CAMKK1: variants seen among roughly 807,000 people sequenced by gnomAD.
CAMKK1 encodes the protein calcium/calmodulin dependent protein kinase kinase 1, also known as calcium/calmodulin-dependent protein kinase kinase 1.
In CAMKK1, 20 loss-of-function variants were observed where a neutral mutation model predicts 63.5. The ratio of observed to expected loss-of-function variants is 0.32; its 90% CI spans 0.22 to 0.46. The LOEUF is 0.46. CAMKK1 is among the 20% of genes least tolerant of loss of function. The pLI is 1.00. For missense variants in CAMKK1, 588 were observed against 658.1 expected (o/e 0.89, Z 1.17); for synonymous variants, 253 against 269.0 (o/e 0.94, Z 0.58).
chr17:3,882,216 A>T lies in CAMKK1; in HGVS notation c.685+312T>A. The T allele has an allele frequency of 7.1e-7, 1 of 1,414,886 alleles. No individual in the cohort carries two copies. The highest frequency in any genetic ancestry group is 9.9e-7 in the Non-Finnish European group (1 of 1,011,426). The allele number at this position is 1,414,886 out of a possible 1,614,324, so 87.6% of individuals were successfully genotyped here. A position where few individuals can be genotyped will look rare whatever the true frequency, so the allele number is the denominator to read the frequency against. ...GGTGGGAAAACTGAGGCACAGAGCT[A>T]CAGTGTCTGGGAACCCATGCAGCCT... On this transcript the variant is annotated intron_variant, in intron 7 of 15. Transcript: ENST00000348335. The surrounding 1 kb of genome is among the most constrained non-coding windows in gnomAD (Gnocchi z 4.3).
Position 3,884,318 on chromosome 17 carries a change from AAGG to A in CAMKK1, c.408+59_408+61del. ...CCTCCCGTTCCCTCCCACACGAGAG[AAGG>A]AGCAGCGCCAAACAGAGAATCCCGA... On this transcript the variant is annotated intron_variant, in intron 3 of 15. Transcript: ENST00000348335. This position sits in a 1 kb window ranked among gnomAD's most constrained non-coding sequence, Gnocchi z 4.5. 1 of 1,553,158 alleles carries A rather than the reference AAGG, an allele frequency of 6.4e-7. No homozygotes were observed. The highest frequency in any genetic ancestry group is 8.9e-7 in the Non-Finnish European group (1 of 1,125,734).
chr17:3,864,251 A>T (rs2054427368), intron 15 of CAMKK1, among the ~76,000 whole-genome samples: 1 of 142,510 alleles, frequency 7.0e-6, no homozygotes, highest in South Asian at 2.2e-4. Flanking sequence ...CTGGCATAAT[A>T]ATTATTATTT....
chr17:3,883,985 C>T lies in CAMKK1; in HGVS notation c.409-48G>A, dbSNP rs2055532540. ...CCCACCTGGACAGGGCAACCCCTCCCAGGACCAGCTCAGGAGGTGGGGAGC... is the reference window on the plus strand; with the variant it reads ...CCCACCTGGACAGGGCAACCCCTCCTAGGACCAGCTCAGGAGGTGGGGAGC... On this transcript the variant is annotated intron_variant, in intron 3 of 15. Coordinates refer to ENST00000348335, the MANE Select transcript of CAMKK1 (RefSeq NM_032294.3). The surrounding 1 kb of genome is among the most constrained non-coding windows in gnomAD (Gnocchi z 4.7). 1 of 1,592,162 alleles carries T rather than the reference C, an allele frequency of 6.3e-7. No homozygotes were observed. The highest frequency in any genetic ancestry group is 1.3e-5 in the African/African-American group (1 of 74,600).
In CAMKK1 at chr17:3,876,362, T is replaced by G; in HGVS notation, c.857A>C (p.Asp286Ala). The G allele has an allele frequency of 1.2e-6, 2 of 1,614,220 alleles. No homozygotes were observed. The stretch of plus-strand genomic sequence containing the variant: ...AAAGTCGGCGATCTTCACGTGCCCA[T>G]CATCCCCCAGGAGCAGGTTGGATGG... ...IKPSNLLLGD[D>A]GHVKIADFGV... Residue 286 changes from aspartate to alanine, a missense_variant, in exon 10 of 16, where the codon GAT becomes GCT. This residue lies in a region of CAMKK1 where 357 missense variants were observed against 407.4 expected (regional missense o/e 0.88). Transcript: ENST00000348335.
chr17:3,889,657 T>C lies in CAMKK1; in HGVS notation c.-44+3282A>G, dbSNP rs2055811485. Among the ~76,000 whole-genome samples, 1 of 152,240 alleles carries C rather than the reference T, an allele frequency of 6.6e-6. No homozygotes were observed. Among genetic ancestry groups the C allele is most frequent in the Middle Eastern group, 3.4e-3 (1 of 294 alleles). On this transcript the variant is annotated intron_variant, in intron 1 of 15. Coordinates refer to ENST00000348335, the MANE Select transcript of CAMKK1 (RefSeq NM_032294.3). The surrounding 1 kb of genome is among the most constrained non-coding windows in gnomAD (Gnocchi z 5.2). ...GTGTCTAGAAGCGTCCAAGAGAGCC[T>C]TGATGTGCAAGGTCCAACCCCACCT...
chr17:3,871,347 G>GGT (rs2054849023), intron 12 of CAMKK1, among the ~76,000 whole-genome samples: 2 of 104,360 alleles, frequency 1.9e-5, no homozygotes, highest in Admixed American at 1.1e-4. Context: ...TTTTTTTTTT[G>GGT]TTTTTTTTTT....
chr17:3,877,068 T>C (rs887671857), intron 9 of CAMKK1, among the ~76,000 whole-genome samples: 1 of 151,930 alleles, frequency 6.6e-6, no homozygotes, highest in Admixed American at 6.6e-5. Flanking sequence ...GGGAGCAGAG[T>C]TCTTCCTAGG....
chr17:3,869,002 T>C (rs2054709188), intron 14 of CAMKK1, among the ~76,000 whole-genome samples: 1 of 147,056 alleles, frequency 6.8e-6, no homozygotes, highest in Admixed American at 6.9e-5. Flanking sequence ...GCAGTCTCGC[T>C]CTGTGGCCCA....
chr17:3,870,705 C>T (rs2054809332), intron 12 of CAMKK1, among the ~76,000 whole-genome samples: 1 of 152,152 alleles, frequency 6.6e-6, no homozygotes, highest in African/African-American at 2.4e-5. Flanking sequence ...TTGGGGAGCC[C>T]ATCCTTCCAA....
chr17:3,868,975 T>TC (rs1193907653), intron 14 of CAMKK1, among the ~76,000 whole-genome samples: 1 of 135,340 alleles, frequency 7.4e-6, no homozygotes, highest in Admixed American at 7.3e-5. Context: ...CTTTTCTTCT[T>TC]TTTTTTTTTT....
chr17:3,881,943 T>C, intron 7 of CAMKK1: 1 of 539,138 alleles, frequency 1.9e-6, no homozygotes, highest in South Asian at 2.5e-5. Flanking sequence ...TTCCTAAAGG[T>C]CATAGCAGAC....
At chr17:3,867,520 G>A (rs1190042771) in intron 14 of CAMKK1, among the ~76,000 whole-genome samples, 1 of 152,180 alleles carries the variant, frequency 6.6e-6, no homozygotes, top group Non-Finnish European at 1.5e-5. Flanking sequence ...AGGGGGACAG[G>A]GAGTGAGAGT....
intron 10 of CAMKK1, among the ~76,000 whole-genome samples, chr17:3,875,742 C>T (rs543976379): frequency 1.2e-3 from 184 of 152,322 alleles, no homozygotes; most frequent in African/African-American, 4.4e-3. Context: ...TGCCTACGCT[C>T]CTGTCACTTA....
intron 14 of CAMKK1, among the ~76,000 whole-genome samples, chr17:3,867,216 C>T (rs1268600091): frequency 6.6e-6 from 1 of 152,140 alleles, no homozygotes; most frequent in East Asian, 1.9e-4. Context: ...GCGTAAAAAG[C>T]CGAAGGAAGT....
Position 3,869,569 on chromosome 17 carries a change from T to A in CAMKK1, c.1259A>T (p.Glu420Val), listed in dbSNP as rs2054745616. 6.2e-7 allele frequency: 1 copy of A among 1,614,038 alleles called. No homozygotes were observed. The highest frequency in any genetic ancestry group is 8.5e-7 in the Non-Finnish European group (1 of 1,180,030). Reference sequence around the variant, plus strand: ...CTCCACCACGCTGCAGTGCTCCTCCTCCGAAGGAAGGGGCTCCTCCCCGTT... The same window carrying A: ...CTCCACCACGCTGCAGTGCTCCTCCACCGAAGGAAGGGGCTCCTCCCCGTT... ...TKNGEEPLPS[E>V]EEHCSVVEVT... is the part of the protein sequence containing the mutation. Residue 420 changes from glutamate (E) to valine (V), a missense_variant, in exon 14 of 16, where the codon GAG becomes GTG. Glu to Val is a moderately radical substitution (Grantham distance 121). Coordinates refer to ENST00000348335, the MANE Select transcript of CAMKK1 (RefSeq NM_032294.3).
At chr17:3,878,980 A>G (rs1236953466) in intron 9 of CAMKK1, 1 of 152,022 alleles carries the variant, frequency 6.6e-6, no homozygotes, top group Non-Finnish European at 1.5e-5. Flanking sequence ...CACAAGGCTA[A>G]TTTTTGTATT....
intron 1 of CAMKK1, among the ~76,000 whole-genome samples, chr17:3,891,769 C>G (rs1389832964): frequency 1.3e-5 from 2 of 152,128 alleles, no homozygotes; most frequent in Non-Finnish European, 2.9e-5. Context: ...GAAGTTTGCA[C>G]TGTGCATATA....
intron 8 of CAMKK1, among the ~76,000 whole-genome samples, chr17:3,881,157 G>A (rs1291339392): frequency 6.6e-6 from 1 of 152,216 alleles, no homozygotes; most frequent in Non-Finnish European, 1.5e-5. Context: ...GGCTCCATCA[G>A]TGACTTGCTG....
At chr17:3,869,387 G>T (rs1375973918) in intron 14 of CAMKK1, 100 bp downstream of exon 14, 2 of 1,500,248 alleles carry the variant, frequency 1.3e-6, no homozygotes, top group Non-Finnish European at 1.8e-6. Flanking sequence ...CAGCTGGCTG[G>T]CCAGGCAGGC....
Sources: gnomAD v4.1 joint callset for allele counts (sites outside exome capture counted in the v4.1 genomes callset) on GRCh38, gnomAD v4.1.1 for gene constraint, gnomAD v4.1.1 regional missense constraint, Gnocchi (gnomAD v3.1) non-coding constraint, MANE v1.5 for transcripts, NCBI Gene and HGNC (gene_info 2026-07-23, HGNC 2026-07-21) for gene names.